Variants in CRYZL1 observed in about 807,000 individuals in gnomAD.
The protein encoded by CRYZL1 is ferry endosomal RAB5 effector complex subunit 4.
Under a neutral mutation model 50.6 loss-of-function variants are expected in CRYZL1, and 34 were observed. That is an observed-to-expected ratio of 0.67 (90% CI 0.51 to 0.89). The LOEUF (loss-of-function observed/expected upper bound fraction) is 0.89, where lower values mean the gene tolerates loss of function less well. CRYZL1 is among the 40% of genes least tolerant of loss of function. The probability of loss-of-function intolerance (pLI) is 0.00; values close to 1 mark genes in which losing one functional copy is unlikely to be tolerated. For synonymous variants in CRYZL1, 125 were observed against 134.3 expected (o/e 0.93, Z 0.48); for missense variants, 354 against 402.3 (o/e 0.88, Z 1.03).
At chr21:33,616,953 A>G in intron 4 of CRYZL1, 5 of 373,078 alleles carry the variant, frequency 1.3e-5, no homozygotes, top group Non-Finnish European at 2.4e-5. Flanking sequence ...GATTCTCTAG[A>G]TATTTGGGCC....
intron 10 of CRYZL1, among the ~76,000 whole-genome samples, chr21:33,596,743 T>G (rs1313537448): frequency 6.6e-6 from 1 of 151,748 alleles, no homozygotes. Context: ...ATGTCTCTAC[T>G]AGGCAGTATT....
chr21:33,606,366 C>T (rs1459373707), intron 6 of CRYZL1, among the ~76,000 whole-genome samples: 1 of 152,212 alleles, frequency 6.6e-6, no homozygotes, highest in Non-Finnish European at 1.5e-5. Context: ...TGGCTCACAC[C>T]TGTAATCCCA....
chr21:33,641,702 G>A lies in CRYZL1; in HGVS notation c.-28C>T, dbSNP rs531865910. On this transcript the variant is annotated 5_prime_UTR_variant, in exon 1 of 13. Transcript: ENST00000381554. ...TCACCTGCCTCTGAGCCGCCCCAAC[G>A]GCCTGCACCTTCACCACCGCCACCT... 21 of 164,538 alleles carry A rather than the reference G, an allele frequency of 1.3e-4. No homozygotes were observed. The highest frequency in any genetic ancestry group is 2.3e-4 in the Non-Finnish European group (17 of 75,316). The allele number at this position is 164,538 out of a possible 1,614,324, so 10.2% of individuals were successfully genotyped here. A position where few individuals can be genotyped will look rare whatever the true frequency, so the allele number is the denominator to read the frequency against.
intron 11 of CRYZL1, among the ~76,000 whole-genome samples, chr21:33,591,991 C>T (rs1055232342): frequency 6.6e-6 from 1 of 151,634 alleles, no homozygotes; most frequent in African/African-American, 2.4e-5. Context: ...AAAAAATGGC[C>T]TAGTATTTGC....
At chr21:33,597,866 G>A (rs953925901) in intron 9 of CRYZL1, among the ~76,000 whole-genome samples, 32 of 152,072 alleles carry the variant, frequency 2.1e-4, no homozygotes, top group African/African-American at 6.7e-4. Context: ...CGCCCGCCTC[G>A]GCCTCCCAAA....
intron 8 of CRYZL1, 134 bp downstream of exon 8, chr21:33,602,100 A>G: frequency 1.8e-6 from 1 of 568,864 alleles, no homozygotes; most frequent in South Asian, 2.3e-5. Flanking sequence ...CTGGCTTCCC[A>G]AGGTGCTGAG....
At chr21:33,617,252 C>G (rs1014123787) in intron 4 of CRYZL1, 2 of 153,370 alleles carry the variant, frequency 1.3e-5, no homozygotes, top group African/African-American at 2.4e-5. Flanking sequence ...CTGACCTCAA[C>G]TGATCCACCC....
chr21:33,616,950 T>C (rs763382728), intron 4 of CRYZL1, 200 bp from the exon 5 acceptor site: 6 of 384,452 alleles, frequency 1.6e-5, no homozygotes, highest in Non-Finnish European at 2.8e-5. Flanking sequence ...CTGGATTCTC[T>C]AGATATTTGG....
intron 4 of CRYZL1, among the ~76,000 whole-genome samples, chr21:33,620,136 A>C (rs1569089773): frequency 6.6e-6 from 1 of 152,238 alleles, no homozygotes; most frequent in Non-Finnish European, 1.5e-5. Flanking sequence ...CATAATTATC[A>C]TTTAGCTATG....
At chr21:33,604,873 A>G (rs570038397) in intron 6 of CRYZL1, among the ~76,000 whole-genome samples, 1 of 152,302 alleles carries the variant, frequency 6.6e-6, no homozygotes, top group East Asian at 1.9e-4. Flanking sequence ...TGGAGTGGAA[A>G]TCCTAGGTCC....
chr21:33,605,808 G>C (rs1219868029), intron 6 of CRYZL1, among the ~76,000 whole-genome samples: 1 of 151,996 alleles, frequency 6.6e-6, no homozygotes, highest in African/African-American at 2.4e-5. Context: ...ACAGGTGTAA[G>C]CCACCACGCC....
At chr21:33,604,337 C>T (rs1262322619) in intron 6 of CRYZL1, among the ~76,000 whole-genome samples, 7 of 119,610 alleles carry the variant, frequency 5.9e-5, no homozygotes, top group Non-Finnish European at 1.1e-4. Context: ...GCCTGGGTGA[C>T]ACAGCGAGAC....
intron 1 of CRYZL1, among the ~76,000 whole-genome samples, chr21:33,639,292 A>C (rs2087248329): frequency 6.6e-6 from 1 of 152,218 alleles, no homozygotes; most frequent in Non-Finnish European, 1.5e-5. Flanking sequence ...AAGATCTGAA[A>C]ATCTCTGATC....
At chr21:33,607,017 A>T (rs1460851883) in intron 6 of CRYZL1, among the ~76,000 whole-genome samples, 1 of 152,200 alleles carries the variant, frequency 6.6e-6, no homozygotes, top group Non-Finnish European at 1.5e-5. Flanking sequence ...CTCCATCTCA[A>T]AAAACAATTA....
intron 3 of CRYZL1, among the ~76,000 whole-genome samples, chr21:33,624,441 C>T (rs1448270491): frequency 2.0e-5 from 3 of 152,130 alleles, no homozygotes; most frequent in Admixed American, 6.5e-5. Flanking sequence ...CCTAGCTACT[C>T]AGGAGTCTGA....
At chr21:33,600,554 G>C (rs1220463951) in intron 8 of CRYZL1, among the ~76,000 whole-genome samples, 8 of 151,816 alleles carry the variant, frequency 5.3e-5, no homozygotes, top group Non-Finnish European at 1.2e-4. Context: ...GGGGGACAAA[G>C]CAATCTAGGA....
At chr21:33,595,691 A>G (rs2086686615) in intron 11 of CRYZL1, 40 bp downstream of exon 11, 1 of 1,610,886 alleles carries the variant, frequency 6.2e-7, no homozygotes, top group Non-Finnish European at 8.5e-7. Context: ...TACAGTACAA[A>G]GTTCAAGCCA....
At chr21:33,602,429 G>C (rs1252092672) in intron 7 of CRYZL1, 84 bp from the exon 8 acceptor site, 1 of 523,568 alleles carries the variant, frequency 1.9e-6, no homozygotes, top group Non-Finnish European at 3.3e-6. Flanking sequence ...ATTTAATAAA[G>C]TATAATTCTT....
chr21:33,602,238 GGGA>G lies in CRYZL1; in HGVS notation c.570_572del (p.Pro191del). 1.3e-6 allele frequency: 2 copies of G among 1,537,152 alleles called. No homozygotes were observed. Among genetic ancestry groups the G allele is most frequent in the Non-Finnish European group, 1.8e-6 (2 of 1,109,844 alleles). On this transcript the variant is annotated inframe_deletion, in exon 8 of 13. Transcript: ENST00000381554. ...TGTGCTCATAATATTACCCACCTAT[GGGA>G]GGTCTGAATCTTTCAAGGCACTGCT...
Sources: gnomAD v4.1 joint callset for allele counts (sites outside exome capture counted in the v4.1 genomes callset) on GRCh38, gnomAD v4.1.1 for gene constraint, MANE v1.5 for transcripts, NCBI Gene and HGNC (gene_info 2026-07-23, HGNC 2026-07-21) for gene names.